Variants in EML3 observed in about 807,000 individuals in gnomAD.
The protein encoded by EML3 is echinoderm microtubule-associated protein-like 3.
EML3 carries 53 observed loss-of-function variants against 106.7 expected under a neutral mutation model. The observed-to-expected ratio is 0.50, with a 90% CI of 0.40 to 0.62. The LOEUF (loss-of-function observed/expected upper bound fraction) is 0.62, where lower values mean the gene tolerates loss of function less well. Ranked by LOEUF, EML3 falls within the 20% of genes least tolerant of loss-of-function variation. EML3 has a pLI of 0.00. For synonymous variants in EML3, 499 were observed against 489.6 expected (o/e 1.02, Z -0.25); for missense variants, 994 against 1,209.1 (o/e 0.82, Z 2.64).
intron 11 of EML3, 34 bp from the exon 12 acceptor site, chr11:62,607,133 A>C: frequency 1.2e-6 from 2 of 1,609,230 alleles, no homozygotes; most frequent in South Asian, 2.2e-5. Context: ...GTAGAGGTCA[A>C]AGGGAAGGGC....
At chr11:62,603,352 A>G (rs1357773755) in intron 19 of EML3, 105 bp from the exon 20 acceptor site, 3 of 1,069,276 alleles carry the variant, frequency 2.8e-6, no homozygotes, top group Non-Finnish European at 4.2e-6. Flanking sequence ...CGGCGATGGC[A>G]TGTGATCTGG....
Position 62,608,565 on chromosome 11 carries a change from C to A in EML3, c.1087G>T (p.Gly363Trp), listed in dbSNP as rs1942648600. 6.2e-7 allele frequency: 1 copy of A among 1,613,912 alleles called. No homozygotes were observed. Among genetic ancestry groups the A allele is most frequent in the Non-Finnish European group, 8.5e-7 (1 of 1,180,034 alleles). The change falls in exon 9 of 22, where the codon GGG (glycine) becomes TGG (tryptophan). Residue 363 changes from glycine to tryptophan, a missense_variant. This residue lies in a region of EML3 where 713 missense variants were observed against 920.5 expected (regional missense o/e 0.77). Coordinates refer to ENST00000394773, the MANE Select transcript of EML3 (RefSeq NM_153265.3). ...IGLGAFERGV[G>W]ALAFSAADQG... Reference sequence around the variant, plus strand: ...ACCGCAGCTGAAAAGGCCAGGGCCCCAACACCCCGCTCGAAGGCCCCCAGT... The same window carrying A: ...ACCGCAGCTGAAAAGGCCAGGGCCCAAACACCCCGCTCGAAGGCCCCCAGT...
At chr11:62,603,313 A>G (rs1942340277) in intron 19 of EML3, 66 bp from the exon 20 acceptor site, 1 of 1,482,024 alleles carries the variant, frequency 6.7e-7, no homozygotes, top group Non-Finnish European at 9.4e-7. Context: ...TGCCAGGGAA[A>G]GCCAGACTGG....
chr11:62,610,733 A>C, intron 4 of EML3, 146 bp downstream of exon 4: 1 of 677,422 alleles, frequency 1.5e-6, no homozygotes, highest in Non-Finnish European at 2.5e-6. Context: ...TGCCCGGTAC[A>C]CAGCAGGCGC....
chr11:62,603,109 G>T, intron 20 of EML3, 40 bp downstream of exon 20: 1 of 1,609,194 alleles, frequency 6.2e-7, no homozygotes. Flanking sequence ...GCTCCACCTT[G>T]TCCCCCACCC....
rs745848268 is a variant in EML3 at position 62,602,658 on chromosome 11, C to T, written c.2508G>A (p.Gly836=). 16 of 1,596,446 alleles carry T rather than the reference C, an allele frequency of 1.0e-5. No homozygotes were observed. Residue 836 remains glycine (G), a synonymous_variant, in exon 22 of 22, where the codon GGG becomes GGA. Coordinates refer to ENST00000394773, the MANE Select transcript of EML3 (RefSeq NM_153265.3). ...ARAKAPSRMY[G]GHGSHVTSVR... is the part of the protein sequence containing the mutation. ...CGCTGGTCACGTGGCTGCCGTGGCCCCCGTACATGCGGCTCGGCGCCTGGG... is the reference window on the plus strand; with the variant it reads ...CGCTGGTCACGTGGCTGCCGTGGCCTCCGTACATGCGGCTCGGCGCCTGGG...
chr11:62,608,054 G>A, intron 10 of EML3, 147 bp downstream of exon 10: 1 of 868,454 alleles, frequency 1.2e-6, no homozygotes, highest in South Asian at 1.6e-5. Context: ...CACAAATGAA[G>A]AAACTAAGGG....
rs1216152379 is a variant in EML3 at position 62,606,089 on chromosome 11, C to T, written c.1630G>A (p.Gly544Arg). 16 of 1,613,852 alleles carry T rather than the reference C, an allele frequency of 9.9e-6. No individual in the cohort carries two copies. In the East Asian group the frequency reaches 1.8e-4, roughly 18 times the overall value. ...RDRRLVQWGP[G>R]LVALQEAEIP... The stretch of plus-strand genomic sequence containing the variant: ...TCAGCCTCCTGGAGGGCCACCAACC[C>T]GGGCCCCCACTGTACCAGCCGGCGG... The change falls in exon 13 of 22, where the codon GGG becomes AGG. Residue 544 changes from glycine to arginine, a missense_variant. Physicochemically the swap from Gly to Arg is moderately radical, Grantham distance 125 (BLOSUM62 -2). Coordinates refer to ENST00000394773, the MANE Select transcript of EML3 (RefSeq NM_153265.3).
intron 4 of EML3, 124 bp downstream of exon 4, chr11:62,610,755 T>G: frequency 6.1e-6 from 5 of 824,526 alleles, no homozygotes; most frequent in Admixed American, 2.8e-5. Context: ...CCAGAAGTGT[T>G]TGTTTCTTTA....
intron 1 of EML3, 51 bp downstream of exon 1, chr11:62,612,385 G>A (rs1172796790): frequency 8.0e-6 from 12 of 1,491,864 alleles, no homozygotes; most frequent in Non-Finnish European, 1.1e-5. Flanking sequence ...ATAACCCGAC[G>A]AGCCGGGCGC....
In EML3 at chr11:62,608,553, A is replaced by T. The variant is rs1448688299; in HGVS notation, c.1099T>A (p.Phe367Ile). The change falls in exon 9 of 22, where the codon TTT becomes ATT. Residue 367 changes from phenylalanine (F) to isoleucine (I), a missense_variant. Transcript: ENST00000394773. ...AFERGVGALAFSAADQGAFLC... is the reference protein window; with the variant it reads ...AFERGVGALAISAADQGAFLC... Reference sequence around the variant, plus strand: ...CAGGGCCAGCTCACCGCAGCTGAAAAGGCCAGGGCCCCAACACCCCGCTCG... The same window carrying T: ...CAGGGCCAGCTCACCGCAGCTGAAATGGCCAGGGCCCCAACACCCCGCTCG... The T allele has an allele frequency of 1.9e-6, 3 of 1,613,706 alleles. No homozygotes were observed. In the African/African-American group the frequency reaches 4.0e-5, roughly 22 times the overall value.
chr11:62,605,784 G>A lies in EML3; in HGVS notation c.1783-11C>T. 6.2e-7 allele frequency: 1 copy of A among 1,600,210 alleles called. No homozygotes were observed. The highest frequency in any genetic ancestry group is 8.5e-7 in the Non-Finnish European group (1 of 1,171,996). ...CTCATCAGTGTGGCCCTGCAGCACA[G>A]CATGACTGTCACTCCTGCCCCTCTC... On this transcript the variant is annotated splice_polypyrimidine_tract_variant and intron_variant, in intron 14 of 21. Transcript: ENST00000394773. This position sits in a 1 kb window ranked among gnomAD's most constrained non-coding sequence, Gnocchi z 5.2.
chr11:62,603,993 T>C lies in EML3; in HGVS notation c.2120A>G (p.Tyr707Cys). 3 of 1,614,098 alleles carry C rather than the reference T, an allele frequency of 1.9e-6. No individual in the cohort carries two copies. The highest frequency in any genetic ancestry group is 2.5e-6 in the Non-Finnish European group (3 of 1,180,028). Residue 707 changes from tyrosine (Y) to cysteine (C), a missense_variant, in exon 18 of 22, where the codon TAT becomes TGT. Around this residue, in one of 3 missense-constraint regions of EML3, gnomAD observed 713 missense variants for 920.5 expected, o/e 0.77. Coordinates refer to ENST00000394773, the MANE Select transcript of EML3 (RefSeq NM_153265.3). Reference sequence around the variant, plus strand: ...TTTGGCACCATCACTGGAAACACTATAGATGTAGATCACGTTGTCATGGGA... The same window carrying C: ...TTTGGCACCATCACTGGAAACACTACAGATGTAGATCACGTTGTCATGGGA... ...IGSHDNVIYI[Y>C]SVSSDGAKSS...
intron 2 of EML3, 23 bp downstream of exon 2, chr11:62,611,402 A>T (rs1282487483): frequency 6.2e-7 from 1 of 1,613,632 alleles, no homozygotes; most frequent in Non-Finnish European, 8.5e-7. Context: ...AGGAGGAAAA[A>T]TGGGGTGTGA....
rs1942446636 is a variant in EML3, at chr11:62,605,091, G to T, written c.1982+22C>A. The T allele has an allele frequency of 6.2e-7, 1 of 1,605,876 alleles. No individual in the cohort carries two copies. Among genetic ancestry groups the T allele is most frequent in the Admixed American group, 1.7e-5 (1 of 58,856 alleles). ...CCCAGTCCTCCCTGCTTTCCCTCCTGGGAGTCCTGGCTCTCTCTCACCTCC... is the reference window on the plus strand; with the variant it reads ...CCCAGTCCTCCCTGCTTTCCCTCCTTGGAGTCCTGGCTCTCTCTCACCTCC... On this transcript the variant is annotated intron_variant, in intron 16 of 21. Transcript: ENST00000394773. The surrounding 1 kb of genome is among the most constrained non-coding windows in gnomAD (Gnocchi z 5.2).
rs752810170 is a variant in EML3 at position 62,609,105 on chromosome 11, G to A, written c.786C>T (p.Arg262=). 5.9e-5 allele frequency: 96 copies of A among 1,613,942 alleles called. No individual in the cohort carries two copies. Among genetic ancestry groups the A allele is most frequent in the East Asian group, 4.0e-4 (18 of 44,884 alleles). The stretch of plus-strand genomic sequence containing the variant: ...CAGAGCGCAACACAAACAGATTAGA[G>A]CGGGAGTCACGACCCCTGTACCCAT... ...WVYGYRGRDS[R]SNLFVLRSGE... The change falls in exon 7 of 22, where the codon CGC becomes CGT. Residue 262 remains arginine (R), a synonymous_variant. Transcript: ENST00000394773.
chr11:62,605,227 G>A lies in EML3; in HGVS notation c.1915-47C>T. ...ATTCAAGATGATGTCTTTCTAGTGA[G>A]GGAACCAGAGTGAACCCCTTGTCCT... On this transcript the variant is annotated intron_variant, in intron 15 of 21. Coordinates refer to ENST00000394773, the MANE Select transcript of EML3 (RefSeq NM_153265.3). The surrounding 1 kb of genome is among the most constrained non-coding windows in gnomAD (Gnocchi z 5.2). 6.3e-7 allele frequency: 1 copy of A among 1,590,402 alleles called. No individual in the cohort carries two copies. Among genetic ancestry groups the A allele is most frequent in the Non-Finnish European group, 8.6e-7 (1 of 1,165,432 alleles).
At chr11:62,610,043 C>T (rs748855874) in intron 4 of EML3, among the ~76,000 whole-genome samples, 3 of 152,142 alleles carry the variant, frequency 2.0e-5, no homozygotes, top group African/African-American at 7.2e-5. Context: ...CTGCAACCTC[C>T]GCCTCCTGGG....
In EML3 at chr11:62,612,473, C is replaced by T. The variant is rs1406080056; in HGVS notation, c.-16G>A. 2.3e-5 allele frequency: 33 copies of T among 1,425,594 alleles called. No individual in the cohort carries two copies. The highest frequency in any genetic ancestry group is 3.0e-5 in the African/African-American group (2 of 66,714). 88.3% of individuals were successfully genotyped at this position (1,425,594 alleles called of 1,614,324 possible). On this transcript the variant is annotated 5_prime_UTR_variant, in exon 1 of 22. Transcript: ENST00000394773. ...CCCCGTCCATCCGGCCCCCGGGTTG[C>T]TCCGAGCGGCGGCGGCGGAGGAGGC...
Sources: allele counts gnomAD v4.1 joint callset (sites outside exome capture counted in the v4.1 genomes callset), GRCh38; gene constraint gnomAD v4.1.1; regional missense constraint gnomAD v4.1.1; non-coding constraint Gnocchi (gnomAD v3.1); transcripts MANE v1.5; gene names NCBI Gene and HGNC (gene_info 2026-07-23, HGNC 2026-07-21).